GPR39: variants seen among roughly 807,000 people sequenced by gnomAD.
The protein encoded by GPR39 is G protein-coupled receptor 39, also known as zinc sensing receptor.
Under a neutral mutation model 18.4 loss-of-function variants are expected in GPR39, and 23 were observed. That is an observed-to-expected ratio of 1.25 (90% CI 0.90 to 1.77). The LOEUF (loss-of-function observed/expected upper bound fraction) is 1.77, where lower values mean the gene tolerates loss of function less well. GPR39 is among the 40% of genes most tolerant of loss of function. The pLI is 0.00. For synonymous variants in GPR39, 280 were observed against 257.9 expected, an observed-to-expected ratio of 1.09 and a Z score of -0.82; for missense variants, 647 against 602.4, an observed-to-expected ratio of 1.07 and a Z score of -0.78.
chr2:132,486,857 T>G (rs772937806), intron 1 of GPR39, among the ~76,000 whole-genome samples: 19 of 152,232 alleles, frequency 1.2e-4, no homozygotes, highest in Non-Finnish European at 2.2e-4. Flanking sequence ...CAAGAACGTT[T>G]CCTTTGCATT....
chr2:132,507,718 G>A (rs1232428394), intron 1 of GPR39, among the ~76,000 whole-genome samples: 1 of 152,166 alleles, frequency 6.6e-6, no homozygotes, highest in Non-Finnish European at 1.5e-5. Context: ...GAATTTGAGT[G>A]TTCCCATGAC....
chr2:132,535,041 T>G (rs148669043), intron 1 of GPR39, among the ~76,000 whole-genome samples: 2,086 of 152,192 alleles, frequency 0.014, 19 homozygotes, highest in Middle Eastern at 0.051. Flanking sequence ...TTTGACTTCC[T>G]CTCTTCCTAT....
chr2:132,492,874 CAT>C (rs1405008241), intron 1 of GPR39, among the ~76,000 whole-genome samples: 736 of 137,346 alleles, frequency 5.4e-3, no homozygotes, highest in African/African-American at 0.012. Flanking sequence ...ATATGTACAC[CAT>C]ATATATACAC....
At chr2:132,481,964 TCA>T (rs1388820817) in intron 1 of GPR39, among the ~76,000 whole-genome samples, 1 of 152,186 alleles carries the variant, frequency 6.6e-6, no homozygotes, top group Non-Finnish European at 1.5e-5. Context: ...TGATTTTAAC[TCA>T]CAGCAATAAG....
intron 1 of GPR39, among the ~76,000 whole-genome samples, chr2:132,558,095 C>T (rs1680187627): frequency 6.6e-6 from 1 of 152,140 alleles, no homozygotes; most frequent in Non-Finnish European, 1.5e-5. Context: ...AAATGGGACT[C>T]ATGCTGATCC....
chr2:132,442,764 C>CT (rs113071888), intron 1 of GPR39, among the ~76,000 whole-genome samples: 1,708 of 152,156 alleles, frequency 0.011, 33 homozygotes, highest in African/African-American at 0.037. Flanking sequence ...TTCCTTGCTG[C>CT]TTTTTTTTCT....
At chr2:132,510,675 A>G (rs1191863359) in intron 1 of GPR39, among the ~76,000 whole-genome samples, 2 of 152,180 alleles carry the variant, frequency 1.3e-5, no homozygotes, top group Non-Finnish European at 2.9e-5. Context: ...TGACTGCTGT[A>G]TGGAGTTCAG....
chr2:132,532,715 C>T (rs549010848), intron 1 of GPR39, among the ~76,000 whole-genome samples: 69 of 152,210 alleles, frequency 4.5e-4, no homozygotes, highest in African/African-American at 1.4e-3. Context: ...AAACATAATC[C>T]GGCATATAAA....
chr2:132,570,884 GT>G (rs1358573595), intron 1 of GPR39, among the ~76,000 whole-genome samples: 1 of 152,190 alleles, frequency 6.6e-6, no homozygotes, highest in Non-Finnish European at 1.5e-5. Flanking sequence ...CCTTAGCTAA[GT>G]TTCTTAACTC....
At chr2:132,530,637 A>G (rs1042913070) in intron 1 of GPR39, among the ~76,000 whole-genome samples, 1 of 152,390 alleles carries the variant, frequency 6.6e-6, no homozygotes, top group East Asian at 1.9e-4. Flanking sequence ...GAAGCCCATC[A>G]GACTAACATC....
At chr2:132,544,580 C>A (rs1188880901) in intron 1 of GPR39, among the ~76,000 whole-genome samples, 31 of 152,376 alleles carry the variant, frequency 2.0e-4, no homozygotes, top group Non-Finnish European at 4.4e-5. Context: ...GTACTCCACC[C>A]ACTTGGCCTG....
At chr2:132,424,582 G>T (rs1276061246) in intron 1 of GPR39, among the ~76,000 whole-genome samples, 1 of 152,176 alleles carries the variant, frequency 6.6e-6, no homozygotes, top group East Asian at 1.9e-4. Flanking sequence ...TCCCTTTAAT[G>T]TATCATGAGC....
chr2:132,563,896 C>G (rs1406279113), intron 1 of GPR39, among the ~76,000 whole-genome samples: 1 of 152,132 alleles, frequency 6.6e-6, no homozygotes, highest in Non-Finnish European at 1.5e-5. Flanking sequence ...GTGCCTGGGT[C>G]CCCCCACCCC....
chr2:132,609,974 G>C (rs765433202), intron 1 of GPR39, among the ~76,000 whole-genome samples: 70 of 151,806 alleles, frequency 4.6e-4, no homozygotes, highest in Non-Finnish European at 9.1e-4. Flanking sequence ...CCCAACTTCT[G>C]TCTCTGCTTG....
intron 1 of GPR39, among the ~76,000 whole-genome samples, chr2:132,419,791 T>A (rs1679974557): frequency 6.6e-6 from 1 of 151,944 alleles, no homozygotes; most frequent in Admixed American, 6.6e-5. Flanking sequence ...AATTAGGGGG[T>A]AGATAAGCAT....
chr2:132,443,286 C>T (rs1053683900), intron 1 of GPR39, among the ~76,000 whole-genome samples: 17 of 152,062 alleles, frequency 1.1e-4, no homozygotes, highest in Admixed American at 5.9e-4. Context: ...GCTTTTATTG[C>T]GTAACTCATC....
intron 1 of GPR39, among the ~76,000 whole-genome samples, chr2:132,516,390 T>C (rs1443893816): frequency 6.6e-6 from 1 of 152,174 alleles, no homozygotes; most frequent in East Asian, 1.9e-4. Context: ...GAATATGCAC[T>C]CTAGGCTGAT....
intron 1 of GPR39, among the ~76,000 whole-genome samples, chr2:132,422,303 T>G (rs1235421703): frequency 6.6e-6 from 1 of 152,230 alleles, no homozygotes; most frequent in Non-Finnish European, 1.5e-5. Flanking sequence ...GGCATTTGAA[T>G]CATCTGTTTC....
chr2:132,530,908 T>C (rs1679610829), intron 1 of GPR39, among the ~76,000 whole-genome samples: 1 of 152,118 alleles, frequency 6.6e-6, no homozygotes, highest in African/African-American at 2.4e-5. Context: ...CATGCCAAAT[T>C]GTAAAGACCA....
Sources: allele counts gnomAD v4.1 joint callset (sites outside exome capture counted in the v4.1 genomes callset), GRCh38; gene constraint gnomAD v4.1.1; transcripts MANE v1.5; gene names NCBI Gene and HGNC (gene_info 2026-07-23, HGNC 2026-07-21).